PDE11A: variants seen among roughly 807,000 people sequenced by gnomAD.
The protein encoded by PDE11A is dual 3',5'-cyclic-AMP and -GMP phosphodiesterase 11A.
PDE11A carries 100 observed loss-of-function variants against 100.5 expected under a neutral mutation model. The ratio of observed to expected loss-of-function variants is 1.00; its 90% CI spans 0.85 to 1.18. PDE11A has a LOEUF of 1.18. PDE11A is among the 50% of genes most tolerant of loss of function. The pLI, the probability that PDE11A is intolerant of heterozygous loss-of-function variation, is 0.00. For synonymous variants in PDE11A, 381 were observed against 420.8 expected (o/e 0.91, Z 1.16); for missense variants, 1,141 against 1,152.6 (o/e 0.99, Z 0.15).
chr2:178,012,092 T>C (rs1011114864), intron 2 of PDE11A: 1 of 152,182 alleles, frequency 6.6e-6, no homozygotes, highest in African/African-American at 2.4e-5. Flanking sequence ...GATAAAATAC[T>C]CTCCAGCTGG....
intron 10 of PDE11A, among the ~76,000 whole-genome samples, chr2:177,767,766 T>A (rs906587448): frequency 2.6e-5 from 4 of 152,214 alleles, no homozygotes; most frequent in African/African-American, 9.6e-5. Flanking sequence ...TTCATTCACT[T>A]TTCCATTCAT....
chr2:177,911,777 A>G (rs973784817), intron 2 of PDE11A, among the ~76,000 whole-genome samples: 13 of 151,918 alleles, frequency 8.6e-5, no homozygotes, highest in Non-Finnish European at 1.8e-4. Context: ...CCAGCTACTC[A>G]GGAGGCTGAG....
At chr2:178,031,802 G>A (rs2086551651) in intron 1 of PDE11A, among the ~76,000 whole-genome samples, 1 of 152,080 alleles carries the variant, frequency 6.6e-6, no homozygotes, top group African/African-American at 2.4e-5. Context: ...GTGTGTATGT[G>A]TGAAACTCAA....
intron 2 of PDE11A, among the ~76,000 whole-genome samples, chr2:178,098,499 T>C (rs2087522044): frequency 6.6e-6 from 1 of 152,194 alleles, no homozygotes. Context: ...TGGGAGATTG[T>C]ATAAATATTT....
intron 13 of PDE11A, among the ~76,000 whole-genome samples, chr2:177,709,727 T>C (rs1358882178): frequency 6.6e-6 from 1 of 151,874 alleles, no homozygotes; most frequent in Non-Finnish European, 1.5e-5. Flanking sequence ...GTTGTACAGG[T>C]GGATGAAAAC....
chr2:177,789,473 T>C (rs1409946395), intron 9 of PDE11A, among the ~76,000 whole-genome samples: 2 of 151,714 alleles, frequency 1.3e-5, no homozygotes, highest in African/African-American at 4.8e-5. Flanking sequence ...CTTTGAAAAC[T>C]GGCACAAGAC....
chr2:177,674,725 T>C (rs1574031552), intron 17 of PDE11A, among the ~76,000 whole-genome samples: 2 of 152,338 alleles, frequency 1.3e-5, no homozygotes, highest in Non-Finnish European at 2.9e-5. Flanking sequence ...AGATAGTATA[T>C]ATAAAGCAGT....
intron 15 of PDE11A, among the ~76,000 whole-genome samples, chr2:177,693,264 A>T (rs1485855070): frequency 6.6e-6 from 1 of 152,182 alleles, no homozygotes; most frequent in Non-Finnish European, 1.5e-5. Context: ...CAGGGATGAG[A>T]CAGCTGCAGG....
At chr2:177,843,125 A>T (rs2083517834) in intron 5 of PDE11A, among the ~76,000 whole-genome samples, 2 of 152,204 alleles carry the variant, frequency 1.3e-5, no homozygotes, top group African/African-American at 4.8e-5. Flanking sequence ...CAGGCCAGAT[A>T]CTTTACCCAA....
At chr2:177,988,686 C>T (rs1345987076) in intron 2 of PDE11A, among the ~76,000 whole-genome samples, 1 of 152,190 alleles carries the variant, frequency 6.6e-6, no homozygotes, top group Non-Finnish European at 1.5e-5. Flanking sequence ...AATTGTCTAA[C>T]TCTATTCTCA....
At chr2:177,743,520 G>A (rs536814640) in intron 10 of PDE11A, among the ~76,000 whole-genome samples, 1 of 152,324 alleles carries the variant, frequency 6.6e-6, no homozygotes, top group East Asian at 1.9e-4. Flanking sequence ...TCAGATAAAA[G>A]GGTACAGGGT....
At chr2:178,015,532 T>C (rs955236800) in intron 1 of PDE11A, among the ~76,000 whole-genome samples, 6 of 152,144 alleles carry the variant, frequency 3.9e-5, no homozygotes, top group African/African-American at 1.4e-4. Flanking sequence ...GATCCTTTAC[T>C]AGAAATTCCG....
intron 1 of PDE11A, among the ~76,000 whole-genome samples, chr2:178,044,593 A>G (rs1285865316): frequency 6.6e-6 from 1 of 151,984 alleles, no homozygotes; most frequent in African/African-American, 2.4e-5. Flanking sequence ...CAAGCACTGC[A>G]TATGATGCCA....
chr2:177,922,558 A>G (rs1308268868), intron 2 of PDE11A: 4 of 287,056 alleles, frequency 1.4e-5, no homozygotes, highest in African/African-American at 9.1e-5. Flanking sequence ...CCATCTTGCC[A>G]CAAAGGGCTG....
chr2:177,673,516 G>A (rs886905127), intron 17 of PDE11A, among the ~76,000 whole-genome samples: 1 of 152,074 alleles, frequency 6.6e-6, no homozygotes, highest in African/African-American at 2.4e-5. Context: ...TTTCCGAATG[G>A]GAGTCTTTGG....
rs1287336652 is a variant in PDE11A at position 177,628,311 on chromosome 2, A to C, written c.*1096T>G. ...ACACATACCATGTCCACAATTTCTC[A>C]ATATAGGGAGCAAAGCAGCTTTCTA... is the stretch of plus-strand genomic sequence containing the variant. On this transcript the variant is annotated 3_prime_UTR_variant, in exon 20 of 20. Coordinates refer to ENST00000286063, the MANE Select transcript of PDE11A (RefSeq NM_016953.4). The C allele has an allele frequency of 6.6e-6, 1 of 152,652 alleles. No individual in the cohort carries two copies. Among genetic ancestry groups the C allele is most frequent in the Admixed American group, 6.5e-5 (1 of 15,282 alleles). 9.5% of individuals were successfully genotyped at this position (152,652 alleles called of 1,614,324 possible).
chr2:177,688,599 A>C (rs1444128325), intron 15 of PDE11A, among the ~76,000 whole-genome samples: 1 of 152,202 alleles, frequency 6.6e-6, no homozygotes, highest in African/African-American at 2.4e-5. Flanking sequence ...CACGCAGATC[A>C]TGGGGAACCT....
At chr2:177,796,252 C>T (rs935424518) in intron 9 of PDE11A, among the ~76,000 whole-genome samples, 3 of 151,944 alleles carry the variant, frequency 2.0e-5, no homozygotes, top group Admixed American at 6.6e-5. Flanking sequence ...TCCACTCTGT[C>T]TCTTCTATCC....
Position 177,625,960 on chromosome 2 carries a change from G to A in PDE11A, c.*3447C>T, listed in dbSNP as rs2079826395. ...GTTTCTAAATCTTGACCCACAATAG[G>A]AAAGATACCTCAAGACAGGAGAAAT... On this transcript the variant is annotated 3_prime_UTR_variant, in exon 20 of 20. Transcript: ENST00000286063. 1 of 152,484 alleles carries A rather than the reference G, an allele frequency of 6.6e-6. No homozygotes were observed. The highest frequency in any genetic ancestry group is 1.5e-5 in the Non-Finnish European group (1 of 68,016). The allele number at this position is 152,484 out of a possible 1,614,324, so 9.4% of individuals were successfully genotyped here.
Sources: gnomAD v4.1 joint callset for allele counts (sites outside exome capture counted in the v4.1 genomes callset) on GRCh38, gnomAD v4.1.1 for gene constraint, MANE v1.5 for transcripts, NCBI Gene and HGNC (gene_info 2026-07-23, HGNC 2026-07-21) for gene names.